Variants in MBOAT2 observed in about 807,000 individuals in gnomAD.
MBOAT2 encodes membrane-bound glycerophospholipid O-acyltransferase 2.
In MBOAT2, 28 loss-of-function variants were observed where a neutral mutation model predicts 63.4. That is an observed-to-expected ratio of 0.44 (90% CI 0.33 to 0.61). The LOEUF is 0.61. Among genes scored for constraint, MBOAT2 ranks in the 20% least tolerant of loss-of-function variants. The pLI, the probability that MBOAT2 is intolerant of heterozygous loss-of-function variation, is 0.03. For missense variants in MBOAT2, 470 were observed against 605.8 expected, an observed-to-expected ratio of 0.78 and a Z score of 2.35; for synonymous variants, 211 against 215.6, an observed-to-expected ratio of 0.98 and a Z score of 0.19.
At chr2:8,979,384 CAAAGAA>C (rs1235917707) in intron 1 of MBOAT2, among the ~76,000 whole-genome samples, 1 of 151,852 alleles carries the variant, frequency 6.6e-6, no homozygotes, top group African/African-American at 2.4e-5. Flanking sequence ...ACATTGCTAC[CAAAGAA>C]AATCGCAATA....
rs77251642 is a variant in MBOAT2 at position 8,888,353 on chromosome 2, C to A, written c.396-280G>T. 3.2e-3 allele frequency among the ~76,000 whole-genome samples: 480 copies of A among 152,288 alleles called. 5 individuals are homozygous for A. The highest frequency in any genetic ancestry group is 0.011 in the African/African-American group (463 of 41,540). The stretch of plus-strand genomic sequence containing the variant: ...AATCTCCAGTGACCCAGTGATCTAA[C>A]CTGGCCTCCTCATCTCACACATTAG... On this transcript the variant is annotated intron_variant, in intron 4 of 12. Coordinates refer to ENST00000305997, the MANE Select transcript of MBOAT2 (RefSeq NM_138799.4).
chr2:8,967,279 G>T (rs1040600834), intron 1 of MBOAT2, among the ~76,000 whole-genome samples: 1 of 152,182 alleles, frequency 6.6e-6, no homozygotes, highest in Non-Finnish European at 1.5e-5. Context: ...TTTGCCCAGG[G>T]TGGTTACACA....
intron 3 of MBOAT2, among the ~76,000 whole-genome samples, chr2:8,935,517 A>ACAT (rs1667597086): frequency 6.6e-6 from 1 of 152,242 alleles, no homozygotes; most frequent in African/African-American, 2.4e-5. Flanking sequence ...ACAAGCTTTA[A>ACAT]CATCACATAA....
rs1383372308 is a variant in MBOAT2 at position 8,857,170 on chromosome 2, A to G, written c.*1509T>C. Reference sequence around the variant, plus strand: ...AAAAAAAGAGAGAGAGAACCCCATCACAGAAAATTTGCATTTCATTAAAAA... The same window carrying G: ...AAAAAAAGAGAGAGAGAACCCCATCGCAGAAAATTTGCATTTCATTAAAAA... On this transcript the variant is annotated 3_prime_UTR_variant, in exon 13 of 13. Transcript: ENST00000305997. 6.9e-6 allele frequency: 1 copy of G among 145,382 alleles called. No individual in the cohort carries two copies. The highest frequency in any genetic ancestry group is 2.4e-5 in the African/African-American group (1 of 40,904). 9.0% of individuals were successfully genotyped at this position (145,382 alleles called of 1,614,324 possible). A position where few individuals can be genotyped will look rare whatever the true frequency, so the allele number is the denominator to read the frequency against.
At position 8,996,576 on chromosome 2, in the gene MBOAT2, C is replaced by T. The variant is rs924380867; in HGVS notation, c.75+6964G>A. Among the ~76,000 whole-genome samples, 4 of 152,176 alleles carry T rather than the reference C, an allele frequency of 2.6e-5. No homozygotes were observed. The East Asian group carries it at 5.8e-4, about 22-fold the overall frequency. ...CCCGGCCGCAGCCCTCACTCAGGTT[C>T]GCTGTAGGCTGGCTGCGTCCTTCAA... On this transcript the variant is annotated intron_variant, in intron 1 of 12. Transcript: ENST00000305997.
At chr2:8,891,815 C>T (rs1003300998) in intron 4 of MBOAT2, among the ~76,000 whole-genome samples, 1 of 152,058 alleles carries the variant, frequency 6.6e-6, no homozygotes, top group Admixed American at 6.5e-5. Flanking sequence ...ATGGAGCTTC[C>T]GTTTCCTTCT....
At chr2:8,954,294 G>A (rs992399433) in intron 2 of MBOAT2, among the ~76,000 whole-genome samples, 5 of 152,090 alleles carry the variant, frequency 3.3e-5, no homozygotes, top group African/African-American at 2.4e-5. Flanking sequence ...ACATAGCTGC[G>A]TATATACTTG....
At chr2:8,998,263 G>A (rs900782009) in intron 1 of MBOAT2, among the ~76,000 whole-genome samples, 9 of 152,168 alleles carry the variant, frequency 5.9e-5, no homozygotes, top group Admixed American at 1.3e-4. Context: ...CAGACTCTCC[G>A]GGTTTTCAGT....
rs1346124380 is a variant in MBOAT2, at chr2:8,952,313, G to A, written c.221+6184C>T. Among the ~76,000 whole-genome samples, 4 of 152,198 alleles carry A rather than the reference G, an allele frequency of 2.6e-5. No individual in the cohort carries two copies. In the East Asian group the frequency reaches 7.7e-4, roughly 29 times the overall value. On this transcript the variant is annotated intron_variant, in intron 2 of 12. Coordinates refer to ENST00000305997, the MANE Select transcript of MBOAT2 (RefSeq NM_138799.4). The stretch of plus-strand genomic sequence containing the variant: ...TAGTATGATTTCAGTTTTTCTGAAT[G>A]TATTGAGACTTGCTTTATGCCTGAG...
chr2:8,955,975 T>C (rs557930532), intron 2 of MBOAT2, among the ~76,000 whole-genome samples: 2 of 152,312 alleles, frequency 1.3e-5, no homozygotes, highest in Non-Finnish European at 2.9e-5. Flanking sequence ...AATTAAGGTA[T>C]GTACATTGTT....
intron 3 of MBOAT2, among the ~76,000 whole-genome samples, chr2:8,931,488 A>C (rs539688608): frequency 9.2e-5 from 14 of 151,858 alleles, no homozygotes; most frequent in Admixed American, 2.6e-4. Flanking sequence ...CGGATATTAC[A>C]CCTTTGTCAG....
rs558944394 is a variant in MBOAT2, at chr2:8,854,062, T to C, written c.*4617A>G. On this transcript the variant is annotated 3_prime_UTR_variant, in exon 13 of 13. Coordinates refer to ENST00000305997, the MANE Select transcript of MBOAT2 (RefSeq NM_138799.4). The stretch of plus-strand genomic sequence containing the variant: ...CAGCTTAAGCATTGATTATAAGAGC[T>C]TTCCTACAAAATACCGATGTGGAAA... 10 of 152,350 alleles carry C rather than the reference T, an allele frequency of 6.6e-5. No homozygotes were observed. The highest frequency in any genetic ancestry group is 2.4e-4 in the African/African-American group (10 of 41,578). 9.4% of individuals were successfully genotyped at this position (152,350 alleles called of 1,614,324 possible). A position where few individuals can be genotyped will look rare whatever the true frequency, so the allele number is the denominator to read the frequency against.
intron 1 of MBOAT2, among the ~76,000 whole-genome samples, chr2:8,998,830 A>C (rs868722472): frequency 3.3e-5 from 5 of 152,228 alleles, no homozygotes; most frequent in Middle Eastern, 3.4e-3. Context: ...TCTACCAAAA[A>C]TATTTGCCAC....
Position 8,862,474 on chromosome 2 carries a change from G to A in MBOAT2, c.1185+116C>T, listed in dbSNP as rs16866829. 7.2e-3 allele frequency: 10,026 copies of A among 1,397,208 alleles called. 320 individuals carry two copies. The African/African-American group carries it at 0.091, about 13-fold the overall frequency. The allele number at this position is 1,397,208 out of a possible 1,614,324, so 86.6% of individuals were successfully genotyped here. On this transcript the variant is annotated intron_variant, in intron 11 of 12. Transcript: ENST00000305997. The surrounding 1 kb of genome is among the most constrained non-coding windows in gnomAD (Gnocchi z 4.3). The stretch of plus-strand genomic sequence containing the variant: ...GTACACACCTCGCTTCTAGTGGAAA[G>A]GACAATACTGACCACGACCAAGGAA...
chr2:8,878,167 A>G (rs562559740), intron 6 of MBOAT2, among the ~76,000 whole-genome samples: 2 of 152,142 alleles, frequency 1.3e-5, no homozygotes, highest in East Asian at 1.9e-4. Context: ...TGTGAGGTGG[A>G]GGAGAAAAGG....
chr2:8,852,789 A>C lies in MBOAT2; in HGVS notation c.*5890T>G, dbSNP rs1238272710. 1 of 152,234 alleles carries C rather than the reference A, an allele frequency of 6.6e-6. No homozygotes were observed. Among genetic ancestry groups the C allele is most frequent in the Non-Finnish European group, 1.5e-5 (1 of 68,040 alleles). 9.4% of individuals were successfully genotyped at this position (152,234 alleles called of 1,614,324 possible). On this transcript the variant is annotated 3_prime_UTR_variant, in exon 13 of 13. Transcript: ENST00000305997. ...CATGTAAGTTAAAAACACCTTTAAA[A>C]ACCAGCAATAAGCCACCAGTGCAGC...
intron 4 of MBOAT2, among the ~76,000 whole-genome samples, chr2:8,907,887 A>AT (rs768977002): frequency 2.6e-5 from 4 of 150,962 alleles, no homozygotes; most frequent in African/African-American, 9.7e-5. Context: ...TTGCTGAACA[A>AT]TTTTTTTTTC....
rs149344882 is a variant in MBOAT2, at chr2:8,859,042, C to T, written c.1338-138G>A. 28 of 683,632 alleles carry T rather than the reference C, an allele frequency of 4.1e-5. No individual in the cohort carries two copies. The African/African-American group carries it at 4.3e-4, about 11-fold the overall frequency. 42.3% of individuals were successfully genotyped at this position (683,632 alleles called of 1,614,324 possible). A position where few individuals can be genotyped will look rare whatever the true frequency, so the allele number is the denominator to read the frequency against. ...TTACTACATTATTCTTTTATTTTTCCCCCTCAGGAGAAGAAACCTGACAGT... is the reference window on the plus strand; with the variant it reads ...TTACTACATTATTCTTTTATTTTTCTCCCTCAGGAGAAGAAACCTGACAGT... On this transcript the variant is annotated intron_variant, in intron 12 of 12. Transcript: ENST00000305997.
At chr2:8,992,662 A>G (rs1573270916) in intron 1 of MBOAT2, among the ~76,000 whole-genome samples, 2 of 152,234 alleles carry the variant, frequency 1.3e-5, no homozygotes, top group East Asian at 1.9e-4. Flanking sequence ...TTCCACTAAC[A>G]CCTAAGTCTG....
Sources: gnomAD v4.1 joint callset for allele counts (sites outside exome capture counted in the v4.1 genomes callset) on GRCh38, gnomAD v4.1.1 for gene constraint, Gnocchi (gnomAD v3.1) non-coding constraint, MANE v1.5 for transcripts, NCBI Gene and HGNC (gene_info 2026-07-23, HGNC 2026-07-21) for gene names.